Variants in MPP7 observed in about 807,000 individuals in gnomAD.
MPP7 encodes MAGUK p55 subfamily member 7.
A neutral mutation model predicts 76.5 loss-of-function variants in MPP7; 60 were observed. The ratio of observed to expected loss-of-function variants is 0.78; its 90% CI spans 0.64 to 0.97. The LOEUF (loss-of-function observed/expected upper bound fraction) is 0.97, where lower values mean the gene tolerates loss of function less well. Ranked by LOEUF, MPP7 falls within the 50% of genes least tolerant of loss-of-function variation. MPP7 has a pLI of 0.00. For synonymous variants in MPP7, 237 were observed against 244.5 expected, an observed-to-expected ratio of 0.97 and a Z score of 0.29; for missense variants, 641 against 694.0, an observed-to-expected ratio of 0.92 and a Z score of 0.86.
At chr10:28,056,055 T>G (rs1274712621) in intron 16 of MPP7, among the ~76,000 whole-genome samples, 1 of 152,182 alleles carries the variant, frequency 6.6e-6, no homozygotes, top group Non-Finnish European at 1.5e-5. Flanking sequence ...TCTTATCTAC[T>G]GCTTATATCT....
chr10:28,129,175 A>G (rs887227293), intron 6 of MPP7, among the ~76,000 whole-genome samples: 8 of 152,182 alleles, frequency 5.3e-5, no homozygotes, highest in African/African-American at 1.9e-4. Flanking sequence ...TTCCATGAAA[A>G]TAAGATCAAA....
intron 1 of MPP7, among the ~76,000 whole-genome samples, chr10:28,287,792 A>C (rs1033369324): frequency 3.3e-5 from 5 of 152,254 alleles, no homozygotes; most frequent in Admixed American, 3.3e-4. Flanking sequence ...TCCATGAATC[A>C]GTATTTCCCA....
chr10:28,298,987 T>C (rs1399189019), intron 1 of MPP7, among the ~76,000 whole-genome samples: 4 of 152,240 alleles, frequency 2.6e-5, no homozygotes. Flanking sequence ...GAGAGGGTTT[T>C]GCTCTGCTGG....
intron 1 of MPP7, chr10:28,282,015 T>C (rs766879166): frequency 2.6e-5 from 4 of 152,096 alleles, no homozygotes; most frequent in Non-Finnish European, 5.9e-5. Context: ...CCCACCTTTC[T>C]TTCTCTTCAC....
At chr10:28,233,740 GAAAC>G (rs905358053) in intron 2 of MPP7, among the ~76,000 whole-genome samples, 2 of 145,482 alleles carry the variant, frequency 1.4e-5, no homozygotes, top group African/African-American at 5.1e-5. Context: ...AAAAAAGAGA[GAAAC>G]AACACTCCAA....
intron 3 of MPP7, among the ~76,000 whole-genome samples, chr10:28,174,629 AC>A (rs1836797307): frequency 6.6e-6 from 1 of 152,202 alleles, no homozygotes; most frequent in African/African-American, 2.4e-5. Context: ...GCAACACAAA[AC>A]AAAGATACCC....
At chr10:28,126,097 T>C (rs1434876421) in intron 6 of MPP7, among the ~76,000 whole-genome samples, 1 of 152,214 alleles carries the variant, frequency 6.6e-6, no homozygotes, top group African/African-American at 2.4e-5. Context: ...AGTCCATCTG[T>C]AATAAGTATC....
rs987117017 is a variant in MPP7, at chr10:28,240,231, C to A, written c.-131-1496G>T. On this transcript the variant is annotated intron_variant, in intron 1 of 16. Coordinates refer to ENST00000683449, the MANE Select transcript of MPP7 (RefSeq NM_001318170.2). Reference sequence around the variant, plus strand: ...TATTTTTAACATATATTAACAACAACAAAAAAACATTGGAAACACTGGAAA... The same window carrying A: ...TATTTTTAACATATATTAACAACAAAAAAAAAACATTGGAAACACTGGAAA... Among the ~76,000 whole-genome samples the A allele has an allele frequency of 4.6e-5, 7 of 151,898 alleles. No homozygotes were observed. In the East Asian group the frequency reaches 7.7e-4, roughly 17 times the overall value.
At chr10:28,223,863 T>C (rs1266466764) in intron 2 of MPP7, among the ~76,000 whole-genome samples, 2 of 150,710 alleles carry the variant, frequency 1.3e-5, no homozygotes, top group Non-Finnish European at 2.9e-5. Flanking sequence ...ATTAATGTCA[T>C]TGGTCTTTAT....
chr10:28,195,833 A>G (rs771902925), intron 3 of MPP7, among the ~76,000 whole-genome samples: 2 of 152,196 alleles, frequency 1.3e-5, no homozygotes, highest in African/African-American at 2.4e-5. Flanking sequence ...GGAAAAGAAC[A>G]AAATAAACAA....
intron 11 of MPP7, among the ~76,000 whole-genome samples, chr10:28,109,704 G>T (rs1834434836): frequency 6.6e-6 from 1 of 151,708 alleles, no homozygotes; most frequent in African/African-American, 2.4e-5. Context: ...GAAAGAAAGA[G>T]ATCCTCCTCC....
intron 3 of MPP7, among the ~76,000 whole-genome samples, chr10:28,171,356 C>T (rs1836675564): frequency 6.6e-6 from 1 of 152,126 alleles, no homozygotes; most frequent in Non-Finnish European, 1.5e-5. Flanking sequence ...CTCTCTGCCA[C>T]CTTTACTTCC....
chr10:28,168,856 T>G (rs1034154968), intron 3 of MPP7, among the ~76,000 whole-genome samples: 8 of 152,190 alleles, frequency 5.3e-5, no homozygotes, highest in Non-Finnish European at 1.0e-4. Context: ...AGGTTCTGCT[T>G]TTCAAATTTA....
chr10:28,091,560 T>C (rs1390106088), intron 11 of MPP7, among the ~76,000 whole-genome samples: 1 of 152,220 alleles, frequency 6.6e-6, no homozygotes, highest in Non-Finnish European at 1.5e-5. Flanking sequence ...AGTGCTGGGA[T>C]TACAGGCGTG....
intron 2 of MPP7, among the ~76,000 whole-genome samples, chr10:28,319,449 G>T (rs1834347824): frequency 6.6e-6 from 1 of 152,096 alleles, no homozygotes; most frequent in Non-Finnish European, 1.5e-5. Context: ...GGCTGAGGCA[G>T]GTGGATTGCT....
At chr10:28,149,203 T>G (rs1404644694) in intron 4 of MPP7, among the ~76,000 whole-genome samples, 1 of 152,230 alleles carries the variant, frequency 6.6e-6, no homozygotes, top group Non-Finnish European at 1.5e-5. Context: ...TTATATAGCT[T>G]GTCTTAAAAA....
At chr10:28,301,808 A>G (rs1841162099) in intron 1 of MPP7, among the ~76,000 whole-genome samples, 1 of 152,210 alleles carries the variant, frequency 6.6e-6, no homozygotes, top group Non-Finnish European at 1.5e-5. Flanking sequence ...GAACCTGAGC[A>G]TAGAAAACTC....
intron 2 of MPP7, among the ~76,000 whole-genome samples, chr10:28,229,927 A>G (rs539195981): frequency 6.6e-6 from 1 of 152,122 alleles, no homozygotes; most frequent in South Asian, 2.1e-4. Context: ...TGTGACAATG[A>G]TATCTTCAAG....
chr10:28,101,496 C>T (rs1381672442), intron 11 of MPP7, among the ~76,000 whole-genome samples: 1 of 151,988 alleles, frequency 6.6e-6, no homozygotes, highest in Non-Finnish European at 1.5e-5. Flanking sequence ...AAAGAAATAA[C>T]AACAAATGGA....
Sources: gnomAD v4.1 joint callset for allele counts (sites outside exome capture counted in the v4.1 genomes callset) on GRCh38, gnomAD v4.1.1 for gene constraint, MANE v1.5 for transcripts, NCBI Gene and HGNC (gene_info 2026-07-23, HGNC 2026-07-21) for gene names.